TUBAL3: variants seen among roughly 807,000 people sequenced by gnomAD.
TUBAL3 encodes the protein tubulin alpha chain-like 3.
A neutral mutation model predicts 15.5 loss-of-function variants in TUBAL3; 16 were observed. That is an observed-to-expected ratio of 1.04 (90% CI 0.70 to 1.57). The LOEUF is 1.57. Ranked by LOEUF, TUBAL3 falls within the 40% of genes most tolerant of loss-of-function variation. The probability of loss-of-function intolerance (pLI) is 0.00; values close to 1 mark genes in which losing one functional copy is unlikely to be tolerated. For synonymous variants in TUBAL3, 238 were observed against 224.3 expected (o/e 1.06, Z -0.55); for missense variants, 609 against 576.2 (o/e 1.06, Z -0.58).
intron 1 of TUBAL3, among the ~76,000 whole-genome samples, chr10:5,402,642 G>A (rs1564452995): frequency 6.6e-6 from 1 of 152,216 alleles, no homozygotes; most frequent in Non-Finnish European, 1.5e-5. Context: ...TTAGGAACTG[G>A]GCTTTACAGA....
In TUBAL3 at chr10:5,395,627, G is replaced by C. The variant is rs1831752976; in HGVS notation, c.248-152C>G. On this transcript the variant is annotated intron_variant, in intron 2 of 3. Coordinates refer to ENST00000380419, the MANE Select transcript of TUBAL3 (RefSeq NM_024803.3). This position sits in a 1 kb window ranked among gnomAD's most constrained non-coding sequence, Gnocchi z 4.6. ...ATGGAATTTAGATAGTGCTGAATTAGCCCGTCTTAGTCCAGGAGAAGTGGA... is the reference window on the plus strand; with the variant it reads ...ATGGAATTTAGATAGTGCTGAATTACCCCGTCTTAGTCCAGGAGAAGTGGA... The C allele has an allele frequency of 1.2e-6, 1 of 847,450 alleles. No homozygotes were observed. The highest frequency in any genetic ancestry group is 3.0e-5 in the East Asian group (1 of 32,838). 52.5% of individuals were successfully genotyped at this position (847,450 alleles called of 1,614,324 possible).
intron 2 of TUBAL3, among the ~76,000 whole-genome samples, chr10:5,399,907 C>T (rs1234512467): frequency 7.2e-5 from 11 of 152,206 alleles, no homozygotes; most frequent in Non-Finnish European, 1.5e-4. Context: ...AACCAGCAAT[C>T]ATTATTGCCT....
chr10:5,398,623 A>G (rs1432256253), intron 2 of TUBAL3, among the ~76,000 whole-genome samples: 1 of 151,698 alleles, frequency 6.6e-6, no homozygotes, highest in Non-Finnish European at 1.5e-5. Flanking sequence ...ACAAACAAAC[A>G]TATTGGATGA....
chr10:5,400,732 A>G, intron 2 of TUBAL3, 112 bp downstream of exon 2: 1 of 1,352,604 alleles, frequency 7.4e-7, no homozygotes, highest in South Asian at 1.3e-5. Context: ...ACATTTGGGA[A>G]AGGTCCATGT....
chr10:5,396,229 A>G lies in TUBAL3; in HGVS notation c.248-754T>C, dbSNP rs1554814151. ...GAAAGGCACACAGAAAGGCATATCCAGGGCACAGTGGCTCACACCTGTAAT... is the reference window on the plus strand; with the variant it reads ...GAAAGGCACACAGAAAGGCATATCCGGGGCACAGTGGCTCACACCTGTAAT... On this transcript the variant is annotated intron_variant, in intron 2 of 3. Coordinates refer to ENST00000380419, the MANE Select transcript of TUBAL3 (RefSeq NM_024803.3). This position sits in a 1 kb window ranked among gnomAD's most constrained non-coding sequence, Gnocchi z 5.1. Among the ~76,000 whole-genome samples, 2 of 152,272 alleles carry G rather than the reference A, an allele frequency of 1.3e-5. No individual in the cohort carries two copies. Among genetic ancestry groups the G allele is most frequent in the Middle Eastern group, 3.4e-3 (1 of 294 alleles).
At chr10:5,400,509 G>A (rs1262311036) in intron 2 of TUBAL3, among the ~76,000 whole-genome samples, 2 of 152,146 alleles carry the variant, frequency 1.3e-5, no homozygotes, top group African/African-American at 2.4e-5. Flanking sequence ...GTGTGTGCCT[G>A]TAATCCCAGC....
rs1425723389 is a variant in TUBAL3, at chr10:5,395,385, C to A, written c.338G>T (p.Gly113Val). ...GACCTCCGACCCCACAGAGTAACGG[C>A]CTCGCGCGTAATTGTTAGCAGCATC... ...KEDAANNYAR[G>V]RYSVGSEVID... Residue 113 changes from glycine (G) to valine (V), a missense_variant, in exon 3 of 4, where the codon GGC (glycine) becomes GTC (valine). Physicochemically the swap from Gly to Val is moderately radical, Grantham distance 109. Coordinates refer to ENST00000380419, the MANE Select transcript of TUBAL3 (RefSeq NM_024803.3). The surrounding 1 kb of genome is among the most constrained non-coding windows in gnomAD (Gnocchi z 4.6). 1 of 1,606,538 alleles carries A rather than the reference C, an allele frequency of 6.2e-7. No individual in the cohort carries two copies. The highest frequency in any genetic ancestry group is 1.3e-5 in the African/African-American group (1 of 74,618).
chr10:5,403,450 TA>T (rs782156197), intron 1 of TUBAL3, among the ~76,000 whole-genome samples: 2 of 152,148 alleles, frequency 1.3e-5, no homozygotes, highest in Non-Finnish European at 2.9e-5. Context: ...CTCCACTGGC[TA>T]CCACCCAGTC....
chr10:5,399,881 T>C (rs185567534), intron 2 of TUBAL3, among the ~76,000 whole-genome samples: 11 of 152,286 alleles, frequency 7.2e-5, no homozygotes, highest in Non-Finnish European at 1.6e-4. Flanking sequence ...CCACCCAAAC[T>C]GTAGATTCAT....
At position 5,404,787 on chromosome 10, in the gene TUBAL3, T is replaced by TA; in HGVS notation, c.3+2dup. ...AACAATGCATAGGCGTGTAGTCACTTACCATGCTGATGAGAACGTGCCCTT... is the reference window on the plus strand; with the variant it reads ...AACAATGCATAGGCGTGTAGTCACTTAACCATGCTGATGAGAACGTGCCCTT... On this transcript the variant is annotated splice_region_variant and intron_variant, in intron 1 of 3. Transcript: ENST00000380419. The TA allele has an allele frequency of 6.2e-7, 1 of 1,613,722 alleles. No individual in the cohort carries two copies. The highest frequency in any genetic ancestry group is 8.5e-7 in the Non-Finnish European group (1 of 1,179,780).
In TUBAL3 at chr10:5,400,835, T is replaced by C; in HGVS notation, c.247+9A>G. 6.2e-7 allele frequency: 1 copy of C among 1,614,060 alleles called. No homozygotes were observed. The highest frequency in any genetic ancestry group is 1.3e-5 in the African/African-American group (1 of 75,026). On this transcript the variant is annotated intron_variant, in intron 2 of 3. Transcript: ENST00000380419. The stretch of plus-strand genomic sequence containing the variant: ...AGTTAAGTATGCTAGAATGGAACAT[T>C]TATTGTACCTATAACAGTTGGCTCC...
Position 5,393,700 on chromosome 10 carries a change from G to A in TUBAL3, c.1158C>T (p.Ser386=), listed in dbSNP as rs782124625. The change falls in exon 4 of 4, where the codon AGC becomes AGT. Residue 386 remains serine, a synonymous_variant. Transcript: ENST00000380419. ...AKVHRSICML[S]NTTAIVEAWA... is the part of the protein sequence containing the mutation. The stretch of plus-strand genomic sequence containing the variant: ...AGGCCTCCACAATCGCCGTGGTGTT[G>A]CTCAGCATGCAGATGGACCGGTGGA... The A allele has an allele frequency of 5.0e-6, 8 of 1,614,208 alleles. No individual in the cohort carries two copies. The highest frequency in any genetic ancestry group is 6.8e-6 in the Non-Finnish European group (8 of 1,180,044).
chr10:5,400,133 C>T (rs1831827634), intron 2 of TUBAL3, among the ~76,000 whole-genome samples: 1 of 152,180 alleles, frequency 6.6e-6, no homozygotes, highest in African/African-American at 2.4e-5. Context: ...TTTCCCATAA[C>T]TAGGGTATAT....
chr10:5,401,511 G>T (rs1831851107), intron 1 of TUBAL3, among the ~76,000 whole-genome samples: 1 of 151,812 alleles, frequency 6.6e-6, no homozygotes, highest in Admixed American at 6.6e-5. Flanking sequence ...CTAGTTATTG[G>T]AAAGAAATAA....
intron 1 of TUBAL3, 63 bp downstream of exon 1, chr10:5,404,727 G>GA: frequency 6.4e-7 from 1 of 1,568,358 alleles, no homozygotes; most frequent in Non-Finnish European, 8.7e-7. Context: ...TTTGCTGTGG[G>GA]AAAAGGGCCA....
In TUBAL3 at chr10:5,400,958, C is replaced by T. The variant is rs370481213; in HGVS notation, c.133G>A (p.Glu45Lys). 2 of 1,614,106 alleles carry T rather than the reference C, an allele frequency of 1.2e-6. No individual in the cohort carries two copies. ...VVLDTQQDQL[E>K]NAKMEHTNAS... ...TTTGTGTGCTCCATTTTTGCATTTT[C>T]CAGCTGATCCTGTTGAGTGTCAAGA... The change falls in exon 2 of 4, where the codon GAA (glutamate) becomes AAA (lysine). Residue 45 changes from glutamate (E) to lysine (K), a missense_variant. Physicochemically the swap from Glu to Lys is moderately conservative, Grantham distance 56. Transcript: ENST00000380419.
Position 5,404,819 on chromosome 10 carries a change from C to T in TUBAL3, c.-27G>A, listed in dbSNP as rs1292717032. On this transcript the variant is annotated 5_prime_UTR_variant, in exon 1 of 4. Coordinates refer to ENST00000380419, the MANE Select transcript of TUBAL3 (RefSeq NM_024803.3). ...CTGATGAGAACGTGCCCTTCCTGCC[C>T]TGTAGTAATGACTGAGGAGCCTCCC... 1.2e-6 allele frequency: 2 copies of T among 1,612,994 alleles called. No homozygotes were observed. Among genetic ancestry groups the T allele is most frequent in the Non-Finnish European group, 1.7e-6 (2 of 1,179,276 alleles).
At chr10:5,401,907 C>A (rs1430962282) in intron 1 of TUBAL3, among the ~76,000 whole-genome samples, 5 of 151,992 alleles carry the variant, frequency 3.3e-5, no homozygotes. Flanking sequence ...TTAATCTAAC[C>A]ATTTATATAT....
At chr10:5,400,788 T>C in intron 2 of TUBAL3, 56 bp downstream of exon 2, 1 of 1,606,256 alleles carries the variant, frequency 6.2e-7, no homozygotes, top group Non-Finnish European at 8.5e-7. Context: ...CCCATCCACT[T>C]GATTTGTTTG....
Sources: allele counts gnomAD v4.1 joint callset (sites outside exome capture counted in the v4.1 genomes callset), GRCh38; gene constraint gnomAD v4.1.1; non-coding constraint Gnocchi (gnomAD v3.1); transcripts MANE v1.5; gene names NCBI Gene and HGNC (gene_info 2026-07-23, HGNC 2026-07-21).